Variants in DOCK3 observed in about 807,000 individuals in gnomAD.
DOCK3 encodes dedicator of cytokinesis 3.
DOCK3 carries 60 observed loss-of-function variants against 265.6 expected under a neutral mutation model. The ratio of observed to expected loss-of-function variants is 0.23; its 90% confidence interval spans 0.18 to 0.28. The LOEUF (loss-of-function observed/expected upper bound fraction) is 0.28, where lower values mean the gene tolerates loss of function less well. Among genes scored for constraint, DOCK3 ranks in the 10% least tolerant of loss-of-function variants. The probability of loss-of-function intolerance (pLI) is 1.00; values close to 1 mark genes in which losing one functional copy is unlikely to be tolerated. For synonymous variants in DOCK3, 881 were observed against 938.0 expected, an observed-to-expected ratio of 0.94 and a Z score of 1.11; for missense variants, 1,981 against 2,594.3, an observed-to-expected ratio of 0.76 and a Z score of 5.14.
chr3:51,321,129 G>A (rs902817763), intron 32 of DOCK3, among the ~76,000 whole-genome samples: 5 of 152,192 alleles, frequency 3.3e-5, no homozygotes, highest in African/African-American at 1.2e-4. Context: ...CCAGAGGAAT[G>A]AACAGACAGC....
intron 5 of DOCK3, among the ~76,000 whole-genome samples, chr3:50,968,196 G>A (rs1158988701): frequency 6.6e-6 from 1 of 152,090 alleles, no homozygotes; most frequent in Admixed American, 6.6e-5. Context: ...TTTGAGACAA[G>A]GTCTCTGCCA....
At chr3:51,064,366 A>G (rs756217582) in intron 5 of DOCK3, 82 bp from the exon 6 acceptor site, 4 of 1,540,294 alleles carry the variant, frequency 2.6e-6, no homozygotes, top group East Asian at 2.3e-5. Flanking sequence ...AGCACTTTTC[A>G]TAGTTTAACT....
chr3:50,761,891 T>C (rs2040553176), intron 1 of DOCK3, among the ~76,000 whole-genome samples: 2 of 152,070 alleles, frequency 1.3e-5, no homozygotes, highest in African/African-American at 4.8e-5. Flanking sequence ...ATTAAGAAAA[T>C]GTGGCACATA....
At chr3:50,953,449 C>G (rs1464169268) in intron 5 of DOCK3, among the ~76,000 whole-genome samples, 2 of 152,074 alleles carry the variant, frequency 1.3e-5, no homozygotes, top group Non-Finnish European at 2.9e-5. Context: ...ATTCCACTTT[C>G]CACACCTAGT....
intron 3 of DOCK3, among the ~76,000 whole-genome samples, chr3:50,885,364 G>GT (rs62977761): frequency 1.7e-3 from 215 of 129,578 alleles, no homozygotes; most frequent in Middle Eastern, 4.2e-3. Context: ...TTTGTATGCA[G>GT]TTTTTTTTTT....
chr3:50,746,211 G>A (rs781414852), intron 1 of DOCK3, among the ~76,000 whole-genome samples: 2 of 150,150 alleles, frequency 1.3e-5, no homozygotes, highest in Non-Finnish European at 2.9e-5. Flanking sequence ...CTGGGTTCAA[G>A]CAATTCTGTC....
intron 1 of DOCK3, among the ~76,000 whole-genome samples, chr3:50,724,055 AAAG>A (rs2037652773): frequency 6.6e-6 from 1 of 152,264 alleles, no homozygotes; most frequent in South Asian, 2.1e-4. Context: ...ACACTTCTCA[AAAG>A]AAGACATTTA....
At chr3:50,938,895 AAATAAT>A (rs201599440) in intron 5 of DOCK3, among the ~76,000 whole-genome samples, 1 of 151,698 alleles carries the variant, frequency 6.6e-6, no homozygotes, top group Non-Finnish European at 1.5e-5. Context: ...TGTAAAAAAA[AAATAAT>A]AATAATAATC....
At chr3:51,373,440 T>A (rs1283930817) in intron 49 of DOCK3, among the ~76,000 whole-genome samples, 1 of 152,192 alleles carries the variant, frequency 6.6e-6, no homozygotes, top group African/African-American at 2.4e-5. Context: ...ATTCCCCCAG[T>A]GGTTTCTCAT....
At chr3:50,880,603 A>C in intron 3 of DOCK3, 1 of 163,318 alleles carries the variant, frequency 6.1e-6, no homozygotes, top group South Asian at 1.3e-4. Context: ...CGAATAGACC[A>C]ATAACAGGTT....
At chr3:51,273,161 CAA>C (rs1226921567) in intron 24 of DOCK3, among the ~76,000 whole-genome samples, 39 of 60,566 alleles carry the variant, frequency 6.4e-4, no homozygotes, top group Admixed American at 3.8e-4. Context: ...GACTCTGTCT[CAA>C]AAAAAAAAAA....
rs3073874 is a variant in DOCK3 at position 51,220,709 on chromosome 3, G to GTATATA, written c.1253-4921_1253-4916dup. 0.021 allele frequency among the ~76,000 whole-genome samples: 2,830 copies of GTATATA among 132,276 alleles called. 347 individuals carry two copies. In the East Asian group the frequency reaches 0.22, roughly 10 times the overall value. The allele number at this position is 132,276 out of a possible 152,430, so 86.8% of individuals were successfully genotyped here. ...TATATGTGTGTGTGTGTGTGTGTGT[G>GTATATA]TATATATATATATATATATATATAA... On this transcript the variant is annotated intron_variant, in intron 14 of 52. Coordinates refer to ENST00000266037, the MANE Select transcript of DOCK3 (RefSeq NM_004947.5).
intron 49 of DOCK3, among the ~76,000 whole-genome samples, chr3:51,373,534 C>G (rs2087848173): frequency 6.6e-6 from 1 of 152,210 alleles, no homozygotes; most frequent in Non-Finnish European, 1.5e-5. Context: ...GCAAGTTACT[C>G]TTATTGCTTC....
At chr3:51,301,597 G>C (rs962051465) in intron 27 of DOCK3, among the ~76,000 whole-genome samples, 12 of 151,920 alleles carry the variant, frequency 7.9e-5, no homozygotes, top group African/African-American at 2.9e-4. Flanking sequence ...CAGAGATTCT[G>C]GTACATTATT....
At chr3:51,274,760 G>A (rs2108922926) in intron 24 of DOCK3, among the ~76,000 whole-genome samples, 1 of 152,200 alleles carries the variant, frequency 6.6e-6, no homozygotes, top group East Asian at 1.9e-4. Context: ...CAGCCTGGGT[G>A]ACAGAATGAG....
chr3:51,229,680 A>T, intron 19 of DOCK3, 71 bp downstream of exon 19: 1 of 1,199,436 alleles, frequency 8.3e-7, no homozygotes, highest in East Asian at 2.9e-5. Context: ...CTTTGTCATG[A>T]TTTTTGCCAA....
chr3:51,036,646 T>A (rs981315816), intron 5 of DOCK3, among the ~76,000 whole-genome samples: 5 of 152,290 alleles, frequency 3.3e-5, no homozygotes, highest in Non-Finnish European at 5.9e-5. Flanking sequence ...TCCATTTCTC[T>A]TTACTTTAGA....
intron 14 of DOCK3, among the ~76,000 whole-genome samples, chr3:51,215,394 G>A (rs1175523930): frequency 6.6e-6 from 1 of 152,158 alleles, no homozygotes; most frequent in African/African-American, 2.4e-5. Flanking sequence ...GCCTCCCAAA[G>A]TGCTGGGATT....
At chr3:51,091,597 C>T (rs915586577) in intron 9 of DOCK3, among the ~76,000 whole-genome samples, 8 of 149,390 alleles carry the variant, frequency 5.4e-5, no homozygotes, top group Non-Finnish European at 1.2e-4. Flanking sequence ...GCAGGAAAAT[C>T]GCTTCAACCT....
Sources: allele counts gnomAD v4.1 joint callset (sites outside exome capture counted in the v4.1 genomes callset), GRCh38; gene constraint gnomAD v4.1.1; transcripts MANE v1.5; gene names NCBI Gene and HGNC (gene_info 2026-07-23, HGNC 2026-07-21).